The following CRLS1 variants were observed in gnomAD, a reference collection of about 807,000 sequenced individuals.
CRLS1 encodes the protein cardiolipin synthase 1, also known as cardiolipin synthase (CMP-forming).
In CRLS1, 24 loss-of-function variants were observed where a neutral mutation model predicts 37.0. The ratio of observed to expected loss-of-function variants is 0.65; its 90% CI spans 0.47 to 0.91. CRLS1 has a LOEUF of 0.91. Among genes scored for constraint, CRLS1 ranks in the 40% least tolerant of loss-of-function variants. The pLI, the probability that CRLS1 is intolerant of heterozygous loss-of-function variation, is 0.00. For synonymous variants in CRLS1, 135 were observed against 159.7 expected (o/e 0.85, Z 1.17); for missense variants, 373 against 395.8 (o/e 0.94, Z 0.49).
At position 6,010,077 on chromosome 20, in the gene CRLS1, A is replaced by ATT. The variant is rs774859049; in HGVS notation, c.444+181_444+182dup. Among the ~76,000 whole-genome samples the ATT allele has an allele frequency of 2.2e-3, 178 of 81,606 alleles. No individual in the cohort carries two copies. The Middle Eastern group carries it at 0.026, about 12-fold the overall frequency. 53.5% of individuals were successfully genotyped at this position (81,606 alleles called of 152,430 possible). A position where few individuals can be genotyped will look rare whatever the true frequency, so the allele number is the denominator to read the frequency against. On this transcript the variant is annotated intron_variant, in intron 2 of 6. Coordinates refer to ENST00000378863, the MANE Select transcript of CRLS1 (RefSeq NM_019095.6). ...ACTTTGTCTTTAGCATCTATATGGG[A>ATT]TTTTTTTTTTTTTTTTTCATATGAT...
chr20:6,013,965 G>C lies in CRLS1; in HGVS notation c.445-1396G>C, dbSNP rs115272922. On this transcript the variant is annotated intron_variant, in intron 2 of 6. Transcript: ENST00000378863. ...ATGAGAGGGTGATGATGGCGAAAAA[G>C]TGAAAGGTTAAGTTCCCTGAGGTCA... Among the ~76,000 whole-genome samples the C allele has an allele frequency of 1.8e-3, 267 of 152,316 alleles. 1 individual carries two copies. The highest frequency in any genetic ancestry group is 6.3e-3 in the African/African-American group (263 of 41,564).
chr20:6,034,290 T>C (rs1255319897), intron 5 of CRLS1, among the ~76,000 whole-genome samples, 174 bp from the exon 6 acceptor site: 1 of 152,236 alleles, frequency 6.6e-6, no homozygotes, highest in African/African-American at 2.4e-5. Context: ...GCTGACCCTT[T>C]TGTGTGTGCT....
chr20:6,007,031 G>T lies in CRLS1; in HGVS notation c.306+479G>T, dbSNP rs187286746. On this transcript the variant is annotated intron_variant, in intron 1 of 6. Coordinates refer to ENST00000378863, the MANE Select transcript of CRLS1 (RefSeq NM_019095.6). ...TGAAGGTAATTAAATAATTTAGGTC[G>T]TAATTAAAAGATCTTTTAACCTTTA... is the stretch of plus-strand genomic sequence containing the variant. Among the ~76,000 whole-genome samples, 3 of 152,222 alleles carry T rather than the reference G, an allele frequency of 2.0e-5. No individual in the cohort carries two copies. In the East Asian group the frequency reaches 5.8e-4, roughly 29 times the overall value.
rs1042968 is a variant in CRLS1, at chr20:6,009,886, T to G, written c.418T>G (p.Phe140Val). 5 of 1,613,726 alleles carry G rather than the reference T, an allele frequency of 3.1e-6. No homozygotes were observed. The highest frequency in any genetic ancestry group is 3.4e-6 in the Non-Finnish European group (4 of 1,179,910). ...EEDFNIALGV[F>V]ALAGLTDLLD... ...AGATTTTAATATTGCACTAGGAGTT[T>G]TTGCTTTAGCTGGACTAACAGATTT... The change falls in exon 2 of 7, where the codon TTT (phenylalanine) becomes GTT (valine). Residue 140 changes from phenylalanine (F) to valine (V), a missense_variant. Physicochemically the swap from Phe to Val is conservative, Grantham distance 50 (BLOSUM62 -1). Coordinates refer to ENST00000378863, the MANE Select transcript of CRLS1 (RefSeq NM_019095.6).
intron 3 of CRLS1, among the ~76,000 whole-genome samples, chr20:6,022,335 C>CTTTTTTT (rs34621758): frequency 1.1e-5 from 1 of 94,688 alleles, no homozygotes; most frequent in Non-Finnish European, 2.0e-5. Context: ...TAATCCATTG[C>CTTTTTTT]TTTTTTTTTT....
chr20:6,036,404 A>G (rs1011870183), intron 6 of CRLS1, among the ~76,000 whole-genome samples: 7 of 152,192 alleles, frequency 4.6e-5, no homozygotes, highest in African/African-American at 1.4e-4. Context: ...CTAAAAAGTA[A>G]TCTAGCTGTG....
chr20:6,006,862 C>G, intron 1 of CRLS1: 1 of 971,834 alleles, frequency 1.0e-6, no homozygotes, highest in Non-Finnish European at 1.2e-6. Flanking sequence ...TACTAAAAGC[C>G]TATTTTTAAT....
At chr20:6,017,172 A>G (rs1452880681) in intron 3 of CRLS1, among the ~76,000 whole-genome samples, 1 of 152,050 alleles carries the variant, frequency 6.6e-6, no homozygotes, top group African/African-American at 2.4e-5. Context: ...CTTTTTGTAG[A>G]TATAGGGTTT....
At chr20:6,007,306 T>C in intron 1 of CRLS1, 2 of 1,581,966 alleles carry the variant, frequency 1.3e-6, no homozygotes, top group South Asian at 1.2e-5. Flanking sequence ...TCAACTCCAC[T>C]GATAGCTAAA....
chr20:6,023,064 A>G (rs146104008), intron 3 of CRLS1, among the ~76,000 whole-genome samples: 6 of 152,240 alleles, frequency 3.9e-5, no homozygotes, highest in African/African-American at 1.4e-4. Context: ...TTCTGTAACT[A>G]TAGAACTTCT....
At chr20:6,031,257 T>C in intron 3 of CRLS1, 28 bp from the exon 4 acceptor site, 1 of 1,498,042 alleles carries the variant, frequency 6.7e-7, no homozygotes, top group Non-Finnish European at 9.2e-7. Flanking sequence ...AGAATCCCAG[T>C]TAAAATTATT....
rs1247554940 is a variant in CRLS1 at position 6,006,525 on chromosome 20, G to T, written c.279G>T (p.Gln93His). The T allele has an allele frequency of 7.5e-7, 1 of 1,327,976 alleles. No homozygotes were observed. The highest frequency in any genetic ancestry group is 2.1e-5 in the South Asian group (1 of 47,944). 82.3% of individuals were successfully genotyped at this position (1,327,976 alleles called of 1,614,324 possible). The stretch of plus-strand genomic sequence containing the variant: ...CCGCTGCCGAAGCCCCGGGCGGCCA[G>T]TGGGGCCCGGCGAGCACCCCCAGCC... ...AGAAAEAPGG[Q>H]WGPASTPSLY... Residue 93 changes from glutamine to histidine, a missense_variant, in exon 1 of 7, where the codon CAG becomes CAT. Coordinates refer to ENST00000378863, the MANE Select transcript of CRLS1 (RefSeq NM_019095.6).
At chr20:6,029,812 G>A (rs564258473) in intron 3 of CRLS1, among the ~76,000 whole-genome samples, 51 of 152,298 alleles carry the variant, frequency 3.3e-4, no homozygotes, top group African/African-American at 1.1e-3. Flanking sequence ...TCCAAATGCC[G>A]TGACTTGAGT....
chr20:6,018,184 C>T (rs1402583355), intron 3 of CRLS1, among the ~76,000 whole-genome samples: 2 of 142,430 alleles, frequency 1.4e-5, no homozygotes, highest in African/African-American at 5.5e-5. Flanking sequence ...CCACTGCACT[C>T]CAGCCCGAGT....
chr20:6,024,413 C>A (rs564986460), intron 3 of CRLS1, among the ~76,000 whole-genome samples: 1 of 152,306 alleles, frequency 6.6e-6, no homozygotes, highest in South Asian at 2.1e-4. Flanking sequence ...GAATCAACTT[C>A]TTCCAAAATC....
chr20:6,015,261 T>G, intron 2 of CRLS1, 100 bp from the exon 3 acceptor site: 2 of 644,484 alleles, frequency 3.1e-6, no homozygotes, highest in Non-Finnish European at 4.9e-6. Context: ...TAACATTTTA[T>G]GAGAGTATAA....
chr20:6,007,353 G>C (rs1400699751), intron 1 of CRLS1: 1 of 1,612,150 alleles, frequency 6.2e-7, no homozygotes, highest in Non-Finnish European at 8.5e-7. Context: ...CTTTGAAGTT[G>C]CCATATCCTG....
intron 6 of CRLS1, among the ~76,000 whole-genome samples, chr20:6,036,323 C>T (rs186993253): frequency 9.9e-5 from 15 of 152,240 alleles, no homozygotes; most frequent in Non-Finnish European, 1.9e-4. Flanking sequence ...GTGGCATGAA[C>T]AGGTTCAAGA....
At chr20:6,033,106 TTTTAATTTAA>T (rs202096807) in intron 5 of CRLS1, among the ~76,000 whole-genome samples, 2,300 of 150,056 alleles carry the variant, frequency 0.015, 58 homozygotes, top group African/African-American at 0.052. Flanking sequence ...TTTTATTTTA[TTTTAATTTAA>T]TTTAATTTTA....
Sources: gnomAD v4.1 joint callset for allele counts (sites outside exome capture counted in the v4.1 genomes callset) on GRCh38, gnomAD v4.1.1 for gene constraint, MANE v1.5 for transcripts, NCBI Gene and HGNC (gene_info 2026-07-23, HGNC 2026-07-21) for gene names.